The following GRIA4 variants were observed in gnomAD, a reference collection of about 807,000 sequenced individuals.
GRIA4 encodes the protein glutamate receptor 4.
In GRIA4, 34 loss-of-function variants were observed where a neutral mutation model predicts 104.0. That is an observed-to-expected ratio of 0.33 (90% CI 0.25 to 0.44). The LOEUF is 0.44. GRIA4 is among the 20% of genes least tolerant of loss of function. GRIA4 has a pLI of 1.00. For synonymous variants in GRIA4, 386 were observed against 381.9 expected (o/e 1.01, Z -0.13); for missense variants, 750 against 1,096.5 (o/e 0.68, Z 4.46).
intron 5 of GRIA4, among the ~76,000 whole-genome samples, chr11:105,870,871 T>C (rs1007457927): frequency 1.3e-5 from 2 of 152,032 alleles, no homozygotes; most frequent in African/African-American, 2.4e-5. Context: ...GATGACAACA[T>C]AGAGAATGAA....
intron 4 of GRIA4, among the ~76,000 whole-genome samples, chr11:105,785,547 C>T (rs922373889): frequency 4.6e-5 from 7 of 152,066 alleles, no homozygotes; most frequent in African/African-American, 1.7e-4. Context: ...AAGCATGAAC[C>T]AGGCAGATGT....
chr11:105,696,495 G>T (rs185725562), intron 3 of GRIA4, among the ~76,000 whole-genome samples: 1 of 152,032 alleles, frequency 6.6e-6, no homozygotes, highest in African/African-American at 2.4e-5. Flanking sequence ...CATATTTGGG[G>T]GCTTCCTAAG....
intron 3 of GRIA4, among the ~76,000 whole-genome samples, chr11:105,618,758 G>A (rs997755334): frequency 2.6e-5 from 4 of 151,958 alleles, no homozygotes; most frequent in African/African-American, 9.7e-5. Flanking sequence ...AGACTTGGAA[G>A]TGAATGAGAT....
intron 10 of GRIA4, 40 bp downstream of exon 10, chr11:105,910,585 C>T: frequency 9.3e-7 from 1 of 1,079,442 alleles, no homozygotes; most frequent in Non-Finnish European, 1.4e-6. Context: ...CCGTTTTGTC[C>T]ACAGGCAATT....
At chr11:105,945,398 C>T (rs1948283244) in intron 14 of GRIA4, 2 of 347,442 alleles carry the variant, frequency 5.8e-6, no homozygotes, top group Non-Finnish European at 8.1e-6. Flanking sequence ...TTGACCAGAA[C>T]TGAACTTGAC....
chr11:105,731,033 TAACTA>T (rs1388818523), intron 3 of GRIA4, among the ~76,000 whole-genome samples: 2 of 152,096 alleles, frequency 1.3e-5, no homozygotes, highest in Non-Finnish European at 2.9e-5. Flanking sequence ...AAATGGGATC[TAACTA>T]AACTAAAGAG....
intron 3 of GRIA4, among the ~76,000 whole-genome samples, chr11:105,701,578 G>A (rs1953494557): frequency 6.6e-6 from 1 of 152,030 alleles, no homozygotes; most frequent in Admixed American, 6.6e-5. Context: ...ATATGAATAG[G>A]AAACAAGGTT....
At chr11:105,686,849 T>A (rs576689296) in intron 3 of GRIA4, among the ~76,000 whole-genome samples, 29 of 152,330 alleles carry the variant, frequency 1.9e-4, no homozygotes, top group African/African-American at 6.5e-4. Context: ...TTTTTTCATG[T>A]TTGTTGGCTG....
intron 3 of GRIA4, among the ~76,000 whole-genome samples, chr11:105,660,261 G>A (rs1766666620): frequency 6.6e-6 from 1 of 151,632 alleles, no homozygotes; most frequent in South Asian, 2.1e-4. Flanking sequence ...AAATCAATTA[G>A]AACCCAAAGG....
rs1159011149 is a variant in GRIA4 at position 105,775,822 on chromosome 11, A to G, written c.487+22602A>G. Among the ~76,000 whole-genome samples the G allele has an allele frequency of 2.6e-5, 4 of 152,056 alleles. No homozygotes were observed. In the East Asian group the frequency reaches 7.7e-4, roughly 29 times the overall value. ...CCCAACTTTATCAAGCATTTAGAAAATAAGTCCCCTCAAATATCATCAATG... is the reference window on the plus strand; with the variant it reads ...CCCAACTTTATCAAGCATTTAGAAAGTAAGTCCCCTCAAATATCATCAATG... On this transcript the variant is annotated intron_variant, in intron 4 of 16. Coordinates refer to ENST00000282499, the MANE Select transcript of GRIA4 (RefSeq NM_000829.4).
intron 3 of GRIA4, among the ~76,000 whole-genome samples, chr11:105,697,054 G>A (rs369515861): frequency 5.3e-5 from 8 of 152,056 alleles, no homozygotes; most frequent in Non-Finnish European, 1.2e-4. Context: ...GGAACCCACC[G>A]CACCCAGCCA....
At chr11:105,814,722 C>T (rs1167082273) in intron 4 of GRIA4, among the ~76,000 whole-genome samples, 1 of 152,104 alleles carries the variant, frequency 6.6e-6, no homozygotes, top group East Asian at 1.9e-4. Flanking sequence ...CTCTTAAGAA[C>T]ATGAAATATA....
At chr11:105,760,728 T>C (rs1423417531) in intron 4 of GRIA4, among the ~76,000 whole-genome samples, 1 of 152,060 alleles carries the variant, frequency 6.6e-6, no homozygotes, top group Non-Finnish European at 1.5e-5. Context: ...CTATTCATGT[T>C]TTTTTTTCAC....
At chr11:105,923,980 G>A (rs1284071692) in intron 11 of GRIA4, among the ~76,000 whole-genome samples, 1 of 152,114 alleles carries the variant, frequency 6.6e-6, no homozygotes, top group African/African-American at 2.4e-5. Flanking sequence ...TAATGAATCA[G>A]TGGCAATGCT....
At chr11:105,915,902 G>A (rs1047640648) in intron 10 of GRIA4, among the ~76,000 whole-genome samples, 8 of 152,024 alleles carry the variant, frequency 5.3e-5, no homozygotes, top group African/African-American at 1.7e-4. Context: ...ATGTAGGGTC[G>A]GCCAAACTCA....
chr11:105,653,524 G>T (rs1026917185), intron 3 of GRIA4, among the ~76,000 whole-genome samples: 1 of 152,170 alleles, frequency 6.6e-6, no homozygotes, highest in African/African-American at 2.4e-5. Context: ...GCATGCAATT[G>T]AAAACTTATG....
intron 13 of GRIA4, among the ~76,000 whole-genome samples, chr11:105,931,265 T>TACACACACACACAC (rs373334457): frequency 1.7e-4 from 24 of 143,688 alleles, no homozygotes; most frequent in African/African-American, 6.1e-4. Flanking sequence ...ATTGCCTAAA[T>TACACACACACACAC]ACACACACAC....
intron 3 of GRIA4, among the ~76,000 whole-genome samples, chr11:105,678,515 T>G (rs571014059): frequency 6.6e-6 from 1 of 152,216 alleles, no homozygotes; most frequent in Admixed American, 6.6e-5. Context: ...ATGAAATACA[T>G]TTTTTGACAC....
At chr11:105,611,937 G>T (rs1265650612) in intron 2 of GRIA4, among the ~76,000 whole-genome samples, 1 of 152,030 alleles carries the variant, frequency 6.6e-6, no homozygotes, top group Non-Finnish European at 1.5e-5. Flanking sequence ...TCTCTTTTCC[G>T]CTCATCTGCA....
Sources: allele counts gnomAD v4.1 joint callset (sites outside exome capture counted in the v4.1 genomes callset), GRCh38; gene constraint gnomAD v4.1.1; transcripts MANE v1.5; gene names NCBI Gene and HGNC (gene_info 2026-07-23, HGNC 2026-07-21).